Variants in REV3L observed in about 807,000 individuals in gnomAD.
REV3L encodes DNA polymerase zeta catalytic subunit.
In REV3L, 69 loss-of-function variants were observed where a neutral mutation model predicts 299.4. That is an observed-to-expected ratio of 0.23 (90% CI 0.19 to 0.28). REV3L has a LOEUF of 0.28. REV3L is among the 10% of genes least tolerant of loss of function. REV3L has a pLI of 1.00. For missense variants in REV3L, 3,128 were observed against 3,693.8 expected, an observed-to-expected ratio of 0.85 and a Z score of 3.97; for synonymous variants, 1,238 against 1,271.4, an observed-to-expected ratio of 0.97 and a Z score of 0.56.
chr6:111,408,437 A>G (rs1489482461), intron 3 of REV3L, among the ~76,000 whole-genome samples: 2 of 152,038 alleles, frequency 1.3e-5, no homozygotes, highest in African/African-American at 4.8e-5. Context: ...CCCCATCTCT[A>G]CTAAAAATAT....
chr6:111,365,270 C>T lies in REV3L; in HGVS notation c.6748G>A (p.Ala2250Thr). Residue 2250 changes from alanine to threonine, a missense_variant, in exon 15 of 32, where the codon GCA (alanine) becomes ACA (threonine). This residue lies in a region of REV3L where 2,409 missense variants were observed against 2,611.8 expected (regional missense o/e 0.92). Coordinates refer to ENST00000368802, the MANE Select transcript of REV3L (RefSeq NM_001372078.1). ...AAAATGTTTAGTATAGTTACCTTTG[C>T]TTGTGTTAACAGTACTCTTCTAAGA... ...DTLRRVLLTQ[A>T]KNQFAAVNTP... The T allele has an allele frequency of 1.3e-6, 2 of 1,508,686 alleles. No homozygotes were observed. The highest frequency in any genetic ancestry group is 1.8e-6 in the Non-Finnish European group (2 of 1,117,608). 93.5% of individuals were successfully genotyped at this position (1,508,686 alleles called of 1,614,324 possible).
rs1192589027 is a variant in REV3L at position 111,389,192 on chromosome 6, G to A, written c.776C>T (p.Pro259Leu). Residue 259 changes from proline (P) to leucine (L), a missense_variant, in exon 7 of 32, where the codon CCT becomes CTT. Pro to Leu is a moderately conservative substitution (Grantham distance 98). Coordinates refer to ENST00000368802, the MANE Select transcript of REV3L (RefSeq NM_001372078.1). ...LDIEAQIGGN[P>L]GLQAIWEDEK... is the part of the protein sequence containing the mutation. ...ATCTTCCCATATGGCCTGTAGACCA[G>A]GGTTTCCACCAATTTGAGCTGTAAT... 2 of 1,613,582 alleles carry A rather than the reference G, an allele frequency of 1.2e-6. No individual in the cohort carries two copies. Among genetic ancestry groups the A allele is most frequent in the Non-Finnish European group, 1.7e-6 (2 of 1,179,732 alleles).
At chr6:111,335,632 T>G in intron 21 of REV3L, 22 bp from the exon 22 acceptor site, 1 of 1,589,990 alleles carries the variant, frequency 6.3e-7, no homozygotes, top group East Asian at 2.3e-5. Flanking sequence ...GAATCCACAT[T>G]ATGAACATCA....
intron 4 of REV3L, among the ~76,000 whole-genome samples, chr6:111,399,090 T>C (rs1038035157): frequency 6.6e-6 from 1 of 152,186 alleles, no homozygotes; most frequent in Non-Finnish European, 1.5e-5. Context: ...ATGGTTTCTG[T>C]ATATTTGCTA....
At chr6:111,307,614 A>G (rs756822790) in intron 30 of REV3L, 44 bp from the exon 31 acceptor site, 23 of 1,563,582 alleles carry the variant, frequency 1.5e-5, no homozygotes, top group Non-Finnish European at 1.8e-5. Context: ...TCAGCTTCAC[A>G]GCAAAGCTGC....
chr6:111,301,842 G>A (rs962902693), intron 31 of REV3L, among the ~76,000 whole-genome samples: 2 of 152,052 alleles, frequency 1.3e-5, no homozygotes, highest in Admixed American at 1.3e-4. Flanking sequence ...TATAAAACAT[G>A]AAGAACATAA....
chr6:111,364,703 T>C (rs531768082), intron 15 of REV3L, among the ~76,000 whole-genome samples: 1 of 152,134 alleles, frequency 6.6e-6, no homozygotes, highest in Middle Eastern at 3.4e-3. Flanking sequence ...TAGCATATAT[T>C]TCCAAGGATG....
Position 111,351,692 on chromosome 6 carries a change from C to G in REV3L, c.7284G>C (p.Met2428Ile), listed in dbSNP as rs757717451. 6.2e-7 allele frequency: 1 copy of G among 1,612,938 alleles called. No homozygotes were observed. Among genetic ancestry groups the G allele is most frequent in the East Asian group, 2.2e-5 (1 of 44,788 alleles). ...GACACATACCTGGCACCCGAGAGAT[C>G]ATCCGACATAAGTCAATACTTAAAG... Reference protein sequence around the residue: ...AAALSIDLCRMISRVPDDKIE... With the variant: ...AAALSIDLCRIISRVPDDKIE... Residue 2428 changes from methionine (M) to isoleucine (I), a missense_variant, in exon 19 of 32, where the codon ATG becomes ATC. Transcript: ENST00000368802.
chr6:111,299,496 G>C lies in REV3L; in HGVS notation c.*520C>G, dbSNP rs1771240095. The C allele has an allele frequency of 6.6e-6, 1 of 152,604 alleles. No individual in the cohort carries two copies. Among genetic ancestry groups the C allele is most frequent in the Non-Finnish European group, 1.5e-5 (1 of 68,062 alleles). 9.5% of individuals were successfully genotyped at this position (152,604 alleles called of 1,614,324 possible). A position where few individuals can be genotyped will look rare whatever the true frequency, so the allele number is the denominator to read the frequency against. ...TCTACTTTGAGTCAAGCAAAACCTA[G>C]AGGAAATATACCAAACAACTTGAAA... On this transcript the variant is annotated 3_prime_UTR_variant, in exon 32 of 32. Transcript: ENST00000368802.
At chr6:111,391,312 T>A (rs1781906511) in intron 5 of REV3L, among the ~76,000 whole-genome samples, 1 of 152,098 alleles carries the variant, frequency 6.6e-6, no homozygotes, top group African/African-American at 2.4e-5. Flanking sequence ...GTGATCTGCC[T>A]ACCTCGGCCT....
At chr6:111,411,407 T>C (rs1157206414) in intron 3 of REV3L, 73 bp downstream of exon 3, 3 of 1,018,836 alleles carry the variant, frequency 2.9e-6, no homozygotes, top group African/African-American at 3.3e-5. Context: ...AGAGGCCTTC[T>C]TTCTAGATTT....
Position 111,335,213 on chromosome 6 carries a change from A to C in REV3L, c.7680+256T>G, listed in dbSNP as rs539939221. ...TGTTGCTTCTCTAGTTTTAAGGGACATCTTTAATCACAGTAACAATATTCA... is the reference window on the plus strand; with the variant it reads ...TGTTGCTTCTCTAGTTTTAAGGGACCTCTTTAATCACAGTAACAATATTCA... On this transcript the variant is annotated intron_variant, in intron 22 of 31. Transcript: ENST00000368802. Among the ~76,000 whole-genome samples, 45 of 152,322 alleles carry C rather than the reference A, an allele frequency of 3.0e-4. No homozygotes were observed. The Middle Eastern group carries it at 0.01, about 35-fold the overall frequency.
chr6:111,303,409 C>T (rs1389766142), intron 31 of REV3L, among the ~76,000 whole-genome samples: 1 of 151,480 alleles, frequency 6.6e-6, no homozygotes, highest in African/African-American at 2.4e-5. Flanking sequence ...CTCTGTTGCC[C>T]AGGCTGGAGT....
At chr6:111,302,343 C>A (rs894708580) in intron 31 of REV3L, among the ~76,000 whole-genome samples, 4 of 152,204 alleles carry the variant, frequency 2.6e-5, no homozygotes, top group African/African-American at 9.7e-5. Context: ...CCAGGACAAA[C>A]TGATAAATAT....
At chr6:111,465,605 CG>C (rs1562355073) in intron 1 of REV3L, among the ~76,000 whole-genome samples, 1 of 151,152 alleles carries the variant, frequency 6.6e-6, no homozygotes, top group Non-Finnish European at 1.5e-5. Context: ...TGGTGGTACG[CG>C]CCTGTAATCT....
chr6:111,309,844 T>TAC lies in REV3L; in HGVS notation c.9042+8_9042+9insGT. 2.5e-6 allele frequency: 4 copies of TAC among 1,611,878 alleles called. No homozygotes were observed. In the Middle Eastern group the frequency reaches 5.0e-4, roughly 201 times the overall value. Reference sequence around the variant, plus strand: ...TAGTTAGAGCACATGTACTATTTGGTAAGCTTACCCTTGGTAATTCATGAT... The same window carrying TAC: ...TAGTTAGAGCACATGTACTATTTGGTACAAGCTTACCCTTGGTAATTCATGAT... On this transcript the variant is annotated intron_variant, in intron 30 of 31. Coordinates refer to ENST00000368802, the MANE Select transcript of REV3L (RefSeq NM_001372078.1).
chr6:111,336,567 C>T (rs1775912712), intron 21 of REV3L, among the ~76,000 whole-genome samples: 2 of 152,046 alleles, frequency 1.3e-5, no homozygotes, highest in South Asian at 2.1e-4. Flanking sequence ...TCATATACTG[C>T]TGGTGGGAAC....
intron 1 of REV3L, among the ~76,000 whole-genome samples, chr6:111,463,754 T>C (rs1186033971): frequency 6.6e-6 from 1 of 152,188 alleles, no homozygotes; most frequent in Non-Finnish European, 1.5e-5. Flanking sequence ...AACGGTTTCA[T>C]TATATGTGAT....
At chr6:111,403,624 C>T (rs1243083191) in intron 4 of REV3L, among the ~76,000 whole-genome samples, 1 of 152,202 alleles carries the variant, frequency 6.6e-6, no homozygotes, top group Non-Finnish European at 1.5e-5. Flanking sequence ...GCTCCACTGA[C>T]TGGCCATTCC....
Sources: allele counts gnomAD v4.1 joint callset (sites outside exome capture counted in the v4.1 genomes callset), GRCh38; gene constraint gnomAD v4.1.1; regional missense constraint gnomAD v4.1.1; transcripts MANE v1.5; gene names NCBI Gene and HGNC (gene_info 2026-07-23, HGNC 2026-07-21).